The following LRBA variants were observed in gnomAD, a reference collection of about 807,000 sequenced individuals.
The protein encoded by LRBA is lipopolysaccharide-responsive and beige-like anchor protein.
LRBA carries 176 observed loss-of-function variants against 330.0 expected under a neutral mutation model. That is an observed-to-expected ratio of 0.53 (90% CI 0.47 to 0.60). LRBA has a LOEUF of 0.60. LRBA is among the 20% of genes least tolerant of loss of function. The pLI is 0.00. For synonymous variants in LRBA, 1,230 were observed against 1,193.0 expected (o/e 1.03, Z -0.64); for missense variants, 3,259 against 3,444.8 (o/e 0.95, Z 1.35).
chr4:150,386,944 T>G (rs923571002), intron 47 of LRBA, among the ~76,000 whole-genome samples: 8 of 152,218 alleles, frequency 5.3e-5, no homozygotes, highest in African/African-American at 1.7e-4. Flanking sequence ...TTTGACTTTT[T>G]AATAATAGCC....
At chr4:150,554,059 T>G (rs762237445) in intron 40 of LRBA, among the ~76,000 whole-genome samples, 5 of 152,202 alleles carry the variant, frequency 3.3e-5, no homozygotes, top group Non-Finnish European at 7.3e-5. Flanking sequence ...TGAGAAACCT[T>G]GCTAAAGCAG....
intron 28 of LRBA, among the ~76,000 whole-genome samples, chr4:150,838,879 G>T (rs1177058216): frequency 1.3e-5 from 2 of 151,888 alleles, no homozygotes; most frequent in Admixed American, 6.6e-5. Flanking sequence ...CTGATTTTTT[G>T]AATTTTCAAA....
At chr4:150,360,538 G>T (rs778633368) in intron 47 of LRBA, among the ~76,000 whole-genome samples, 2 of 152,116 alleles carry the variant, frequency 1.3e-5, no homozygotes, top group East Asian at 3.8e-4. Context: ...TCAACTGGAC[G>T]GTGAGGCTTT....
intron 37 of LRBA, among the ~76,000 whole-genome samples, chr4:150,670,786 T>C (rs1272258520): frequency 6.6e-6 from 1 of 152,202 alleles, no homozygotes. Flanking sequence ...ACAGGATTCA[T>C]TCTAGAGTTT....
At chr4:150,334,522 T>C (rs1456859935) in intron 48 of LRBA, among the ~76,000 whole-genome samples, 1 of 152,142 alleles carries the variant, frequency 6.6e-6, no homozygotes, top group Non-Finnish European at 1.5e-5. Context: ...ATAACACACA[T>C]ATACTTACAT....
chr4:150,297,151 A>T (rs1380337279), intron 53 of LRBA, among the ~76,000 whole-genome samples: 1 of 32,742 alleles, frequency 3.1e-5, no homozygotes, highest in East Asian at 3.4e-4. Context: ...TCTCATATTT[A>T]TATGGCTATA....
chr4:150,442,106 G>A (rs890703872), intron 44 of LRBA, among the ~76,000 whole-genome samples: 4 of 152,052 alleles, frequency 2.6e-5, no homozygotes, highest in African/African-American at 7.2e-5. Flanking sequence ...AGAAAGTTCT[G>A]GGAAATTGGC....
At chr4:150,775,898 A>T (rs1370375764) in intron 34 of LRBA, among the ~76,000 whole-genome samples, 1 of 150,778 alleles carries the variant, frequency 6.6e-6, no homozygotes, top group Non-Finnish European at 1.5e-5. Flanking sequence ...GAGAAGAAGG[A>T]GCAGAGAAGA....
rs367598096 is a variant in LRBA at position 150,335,942 on chromosome 4, C to T, written c.7363-10044G>A. ...AACTCCTGAGCTCAAATGATCTGCC[C>T]GCCTTGGCCTCCCAAAGTTCTGGGA... On this transcript the variant is annotated intron_variant, in intron 48 of 56. Transcript: ENST00000651943. Among the ~76,000 whole-genome samples the T allele has an allele frequency of 2.7e-4, 41 of 152,312 alleles. No homozygotes were observed. In the East Asian group the frequency reaches 3.1e-3, roughly 11 times the overall value.
intron 37 of LRBA, among the ~76,000 whole-genome samples, chr4:150,623,062 C>G (rs1466416995): frequency 6.6e-6 from 1 of 152,086 alleles, no homozygotes; most frequent in Non-Finnish European, 1.5e-5. Context: ...AGCAAGATTG[C>G]CCACCCTTGG....
At chr4:150,588,335 C>T (rs543888112) in intron 39 of LRBA, 151 bp from the exon 40 acceptor site, 1 of 666,016 alleles carries the variant, frequency 1.5e-6, no homozygotes, top group Non-Finnish European at 2.3e-6. Context: ...CTGTCCACCC[C>T]AAATCTTCCT....
intron 9 of LRBA, among the ~76,000 whole-genome samples, chr4:150,911,544 G>T (rs368784892): frequency 6.6e-5 from 10 of 152,024 alleles, no homozygotes; most frequent in African/African-American, 2.2e-4. Flanking sequence ...GAAATAAATC[G>T]TAATTTGACA....
At chr4:150,589,324 T>C (rs1469569005) in intron 39 of LRBA, among the ~76,000 whole-genome samples, 1 of 152,194 alleles carries the variant, frequency 6.6e-6, no homozygotes, top group East Asian at 1.9e-4. Context: ...TCAATCTTAA[T>C]GTGTGCCAGT....
At chr4:150,622,688 C>CTTTTTTTTTTTTTT (rs10528461) in intron 37 of LRBA, among the ~76,000 whole-genome samples, 36 of 105,642 alleles carry the variant, frequency 3.4e-4, no homozygotes, top group African/African-American at 1.5e-3. Flanking sequence ...CTAAATCAAT[C>CTTTTTTTTTTTTTT]TTTTTTTTTT....
intron 42 of LRBA, among the ~76,000 whole-genome samples, chr4:150,475,654 T>C (rs1403229256): frequency 1.3e-5 from 2 of 151,922 alleles, no homozygotes; most frequent in Non-Finnish European, 2.9e-5. Flanking sequence ...CCCAGCACTT[T>C]AGAAGGCTAA....
chr4:150,612,939 G>A (rs1201603928), intron 37 of LRBA, among the ~76,000 whole-genome samples: 1 of 152,132 alleles, frequency 6.6e-6, no homozygotes, highest in Non-Finnish European at 1.5e-5. Flanking sequence ...CCCTTAAGAA[G>A]AGGCCAATTT....
intron 55 of LRBA, among the ~76,000 whole-genome samples, chr4:150,281,332 C>T (rs901592977): frequency 1.4e-4 from 21 of 151,802 alleles, no homozygotes; most frequent in Non-Finnish European, 7.4e-5. Context: ...TCGTGGAGGC[C>T]GGCAGAATGT....
At chr4:150,712,854 C>T (rs1786365156) in intron 36 of LRBA, among the ~76,000 whole-genome samples, 1 of 152,084 alleles carries the variant, frequency 6.6e-6, no homozygotes, top group Non-Finnish European at 1.5e-5. Context: ...CAATATATCA[C>T]ACACACATTT....
chr4:150,325,269 A>C (rs1229052783), intron 49 of LRBA, among the ~76,000 whole-genome samples: 2 of 152,142 alleles, frequency 1.3e-5, no homozygotes, highest in Non-Finnish European at 2.9e-5. Context: ...TTTTCATCTA[A>C]CCCTCAGAAT....
Sources: allele counts gnomAD v4.1 joint callset (sites outside exome capture counted in the v4.1 genomes callset), GRCh38; gene constraint gnomAD v4.1.1; transcripts MANE v1.5; gene names NCBI Gene and HGNC (gene_info 2026-07-23, HGNC 2026-07-21).